Variants in OPRM1 observed in about 807,000 individuals in gnomAD.
OPRM1 encodes mu-type opioid receptor.
In OPRM1, 27 loss-of-function variants were observed where a neutral mutation model predicts 31.8. The ratio of observed to expected loss-of-function variants is 0.85; its 90% CI spans 0.63 to 1.17. OPRM1 has a LOEUF of 1.17. Among genes scored for constraint, OPRM1 ranks in the 50% most tolerant of loss-of-function variants. The probability of loss-of-function intolerance (pLI) is 0.00; values close to 1 mark genes in which losing one functional copy is unlikely to be tolerated. For synonymous variants in OPRM1, 196 were observed against 189.9 expected, an observed-to-expected ratio of 1.03 and a Z score of -0.26; for missense variants, 536 against 511.1, an observed-to-expected ratio of 1.05 and a Z score of -0.47.
chr6:154,020,330 T>C (rs570731267), intron 1 of OPRM1, among the ~76,000 whole-genome samples: 16 of 152,322 alleles, frequency 1.1e-4, no homozygotes, highest in African/African-American at 3.4e-4. Context: ...ATTGTCAAAC[T>C]GTTTTCTACA....
At chr6:154,201,975 T>A (rs1017606668) in intron 3 of OPRM1, among the ~76,000 whole-genome samples, 3 of 152,142 alleles carry the variant, frequency 2.0e-5, no homozygotes, top group Non-Finnish European at 2.9e-5. Flanking sequence ...CAAACTAGGA[T>A]CTTCTTCAAA....
intron 1 of OPRM1, among the ~76,000 whole-genome samples, chr6:154,071,540 T>C (rs9478503): frequency 0.17 from 25,983 of 151,502 alleles, 2,352 homozygotes; most frequent in African/African-American, 0.22. Flanking sequence ...CCCCCAGGAA[T>C]ATCCCTGTAG....
At chr6:154,175,925 A>T (rs1800286271) in intron 3 of OPRM1, among the ~76,000 whole-genome samples, 1 of 152,232 alleles carries the variant, frequency 6.6e-6, no homozygotes, top group African/African-American at 2.4e-5. Flanking sequence ...AATCCTCAAT[A>T]AAATACTGGC....
At chr6:154,180,374 TAACAAC>T (rs1583721727) in intron 3 of OPRM1, among the ~76,000 whole-genome samples, 1 of 145,166 alleles carries the variant, frequency 6.9e-6, no homozygotes, top group Admixed American at 7.0e-5. Flanking sequence ...TGAGCTAGTT[TAACAAC>T]AACAACTATA....
At chr6:154,035,297 T>A (rs1412900494), upstream of OPRM1, among the ~76,000 whole-genome samples, 1 of 152,094 alleles carries the variant, frequency 6.6e-6, no homozygotes, top group Non-Finnish European at 1.5e-5. Context: ...TGTGAGGAGT[T>A]TTTTGCTTTC....
intron 3 of OPRM1, among the ~76,000 whole-genome samples, chr6:154,109,806 G>GTC (rs1562482257): frequency 2.6e-5 from 3 of 114,562 alleles, no homozygotes; most frequent in African/African-American, 8.9e-5. Context: ...GTGTGTGTGT[G>GTC]TGTGTGTGTG....
chr6:154,033,636 G>A (rs973853157), intron 1 of OPRM1, among the ~76,000 whole-genome samples: 8 of 152,134 alleles, frequency 5.3e-5, no homozygotes, highest in Non-Finnish European at 1.0e-4. Context: ...AGGCTATAAT[G>A]CAAAAGAGTG....
At chr6:154,040,497 T>C (rs1222337760) in intron 1 of OPRM1, among the ~76,000 whole-genome samples, 1 of 152,184 alleles carries the variant, frequency 6.6e-6, no homozygotes, top group East Asian at 1.9e-4. Flanking sequence ...TCCTCTGTTA[T>C]AACAAACATG....
intron 1 of OPRM1, among the ~76,000 whole-genome samples, chr6:154,075,413 G>T (rs559590871): frequency 2.6e-5 from 4 of 151,074 alleles, no homozygotes; most frequent in African/African-American, 9.7e-5. Context: ...TTTTCATAGA[G>T]ATTAAATCTG....
At chr6:154,109,800 G>C (rs879281711) in intron 3 of OPRM1, among the ~76,000 whole-genome samples, 19,456 of 113,556 alleles carry the variant, frequency 0.17, 1,642 homozygotes, top group Non-Finnish European at 0.25. Context: ...CTCTGTGTGT[G>C]TGTGTGTGTG....
chr6:154,198,293 A>G (rs906025307), intron 3 of OPRM1, among the ~76,000 whole-genome samples: 5 of 152,106 alleles, frequency 3.3e-5, no homozygotes, highest in East Asian at 3.9e-4. Flanking sequence ...AACGACAGCA[A>G]CTCACAAACC....
chr6:154,136,658 A>T (rs1189888881), downstream of OPRM1, among the ~76,000 whole-genome samples: 1 of 152,260 alleles, frequency 6.6e-6, no homozygotes, highest in East Asian at 1.9e-4. Context: ...AGTGCCCAAG[A>T]CAGTGTCTGA....
At chr6:154,162,284 T>C (rs1010432375) in intron 3 of OPRM1, among the ~76,000 whole-genome samples, 11 of 152,318 alleles carry the variant, frequency 7.2e-5, no homozygotes, top group Middle Eastern at 3.4e-3. Context: ...TGTTATTTCT[T>C]GCATGTTAAA....
At chr6:154,085,701 C>T (rs1025877834) in intron 1 of OPRM1, among the ~76,000 whole-genome samples, 1 of 152,100 alleles carries the variant, frequency 6.6e-6, no homozygotes, top group Non-Finnish European at 1.5e-5. Flanking sequence ...GCCAGGAGTT[C>T]TACTCGGACC....
chr6:154,100,218 C>A (rs200859747), intron 3 of OPRM1, among the ~76,000 whole-genome samples: 1 of 19,122 alleles, frequency 5.2e-5, no homozygotes, highest in African/African-American at 1.8e-4. Context: ...CATATTATGA[C>A]ATATCGTAAT....
intron 1 of OPRM1, 98 bp from the exon 2 acceptor site, chr6:154,089,728 G>A: frequency 1.3e-6 from 1 of 799,710 alleles, no homozygotes; most frequent in Non-Finnish European, 2.0e-6. Flanking sequence ...TCTCAAAAAA[G>A]CTTTCTACTA....
intron 1 of OPRM1, among the ~76,000 whole-genome samples, chr6:154,068,282 T>G (rs1785891291): frequency 6.6e-6 from 1 of 152,190 alleles, no homozygotes; most frequent in African/African-American, 2.4e-5. Context: ...ATATTAACTA[T>G]AGTCACCATG....
chr6:154,091,082 C>A lies in OPRM1; in HGVS notation c.774C>A (p.Ile258=). 6.2e-7 allele frequency: 1 copy of A among 1,614,154 alleles called. No homozygotes were observed. Among genetic ancestry groups the A allele is most frequent in the Non-Finnish European group, 8.5e-7 (1 of 1,180,032 alleles). The change falls in exon 3 of 4, where the codon ATC becomes ATA. Residue 258 remains isoleucine, a synonymous_variant. Transcript: ENST00000330432. ...TTACCGTGTGCTATGGACTGATGAT[C>A]TTGCGCCTCAAGAGTGTCCGCATGC... ...LIITVCYGLM[I]LRLKSVRMLS...
intron 1 of OPRM1, among the ~76,000 whole-genome samples, chr6:154,084,341 G>C (rs1418451474): frequency 6.6e-6 from 1 of 152,026 alleles, no homozygotes; most frequent in Non-Finnish European, 1.5e-5. Flanking sequence ...CTTTCTCCAT[G>C]TTAATGCCAA....
Sources: allele counts gnomAD v4.1 joint callset (sites outside exome capture counted in the v4.1 genomes callset), GRCh38; gene constraint gnomAD v4.1.1; transcripts MANE v1.5; gene names NCBI Gene and HGNC (gene_info 2026-07-23, HGNC 2026-07-21).